The following SH3BGRL2 variants were observed in gnomAD, a reference collection of about 807,000 sequenced individuals.
SH3BGRL2 encodes SH3 domain-binding glutamic acid-rich-like protein 2.
A neutral mutation model predicts 14.8 loss-of-function variants in SH3BGRL2; 21 were observed. The ratio of observed to expected loss-of-function variants is 1.42; its 90% CI spans 1.01 to 2.05. The LOEUF (loss-of-function observed/expected upper bound fraction) is 2.05, where lower values mean the gene tolerates loss of function less well. SH3BGRL2 is among the 30% of genes most tolerant of loss of function. The probability of loss-of-function intolerance (pLI) is 0.00; values close to 1 mark genes in which losing one functional copy is unlikely to be tolerated. For synonymous variants in SH3BGRL2, 50 were observed against 47.8 expected, an observed-to-expected ratio of 1.05 and a Z score of -0.19; for missense variants, 147 against 130.8, an observed-to-expected ratio of 1.12 and a Z score of -0.61.
the SH3BGRL2 span, among the ~76,000 whole-genome samples, chr6:79,583,264 C>T: frequency 3.9e-5 from 6 of 152,186 alleles, no homozygotes; most frequent in African/African-American, 1.4e-4. Context: ...CCATTTGACC[C>T]AGCCATCCCA....
the SH3BGRL2 span, among the ~76,000 whole-genome samples, chr6:79,619,515 A>G: frequency 2.0e-5 from 3 of 152,120 alleles, no homozygotes; most frequent in African/African-American, 4.8e-5. Context: ...GCCTTTGTTT[A>G]TACCCTCCTG....
the SH3BGRL2 span, among the ~76,000 whole-genome samples, chr6:79,614,671 G>T: frequency 1.3e-5 from 2 of 152,178 alleles, no homozygotes; most frequent in South Asian, 4.1e-4. Context: ...CTATGTTGAA[G>T]CCCTCACCCC....
chr6:79,552,751 G>A, the SH3BGRL2 span: 1 of 152,162 alleles, frequency 6.6e-6, no homozygotes, highest in African/African-American at 2.4e-5. Context: ...TGTATGCACA[G>A]TAAAGTTTAA....
chr6:79,661,416 T>A (rs1468531760), intron 1 of SH3BGRL2, among the ~76,000 whole-genome samples: 2 of 152,238 alleles, frequency 1.3e-5, no homozygotes, highest in Non-Finnish European at 2.9e-5. Context: ...AGCAGGTTGT[T>A]CAGTTTCCAT....
At position 79,677,214 on chromosome 6, in the gene SH3BGRL2, A is replaced by G. The variant is rs566104231; in HGVS notation, c.231+3415A>G. On this transcript the variant is annotated intron_variant, in intron 2 of 3. Coordinates refer to ENST00000369838, the MANE Select transcript of SH3BGRL2 (RefSeq NM_031469.4). ...TCATCTGGTTGGTTAACCTGTAGAA[A>G]CCTACCACATTGCGAGTGACACGAT... Among the ~76,000 whole-genome samples the G allele has an allele frequency of 2.0e-5, 3 of 152,230 alleles. No homozygotes were observed. The East Asian group carries it at 5.8e-4, about 29-fold the overall frequency.
the SH3BGRL2 span, among the ~76,000 whole-genome samples, chr6:79,564,540 A>G: frequency 6.6e-6 from 1 of 152,206 alleles, no homozygotes; most frequent in Non-Finnish European, 1.5e-5. Context: ...ATCCTGAGCT[A>G]TCTGGCTTCC....
At chr6:79,613,732 G>C in the SH3BGRL2 span, among the ~76,000 whole-genome samples, 1 of 151,918 alleles carries the variant, frequency 6.6e-6, no homozygotes. Context: ...TCAGCCTCCT[G>C]AGTAGCTGGG....
chr6:79,634,163 A>C (rs1335164358), intron 1 of SH3BGRL2, among the ~76,000 whole-genome samples: 3 of 152,202 alleles, frequency 2.0e-5, no homozygotes, highest in Admixed American at 1.3e-4. Flanking sequence ...AGATTTAAAC[A>C]ATCTATTTAG....
intron 1 of SH3BGRL2, among the ~76,000 whole-genome samples, chr6:79,648,358 C>T: frequency 7.4e-6 from 1 of 134,572 alleles, no homozygotes; most frequent in African/African-American, 2.8e-5. Context: ...ATATATATGG[C>T]TTCTTTTTGC....
At chr6:79,656,951 G>C (rs947839979) in intron 1 of SH3BGRL2, among the ~76,000 whole-genome samples, 1 of 152,122 alleles carries the variant, frequency 6.6e-6, no homozygotes, top group East Asian at 1.9e-4. Flanking sequence ...GGAAATAAAG[G>C]TGTCACCAAA....
At chr6:79,595,529 A>G in the SH3BGRL2 span, among the ~76,000 whole-genome samples, 1 of 152,246 alleles carries the variant, frequency 6.6e-6, no homozygotes, top group African/African-American at 2.4e-5. Context: ...TAAAATGACC[A>G]AACAATATCT....
chr6:79,538,446 A>G, the SH3BGRL2 span, among the ~76,000 whole-genome samples: 1 of 152,134 alleles, frequency 6.6e-6, no homozygotes, highest in African/African-American at 2.4e-5. Context: ...AACCCACCCA[A>G]ACAATATTGT....
the SH3BGRL2 span, among the ~76,000 whole-genome samples, chr6:79,562,549 A>G: frequency 2.0e-5 from 3 of 152,176 alleles, no homozygotes; most frequent in African/African-American, 4.8e-5. Context: ...GTTTCCCACT[A>G]TTCCTTAAAA....
the SH3BGRL2 span, chr6:79,575,130 A>G: frequency 6.6e-6 from 1 of 152,264 alleles, no homozygotes. Flanking sequence ...ACAAAGAACT[A>G]CAGCCATCTC....
the SH3BGRL2 span, among the ~76,000 whole-genome samples, chr6:79,547,216 A>G: frequency 6.6e-6 from 1 of 151,900 alleles, no homozygotes; most frequent in African/African-American, 2.4e-5. Flanking sequence ...ATGACCTTAA[A>G]GGACATGGCA....
the SH3BGRL2 span, among the ~76,000 whole-genome samples, chr6:79,589,440 T>C: frequency 2.0e-5 from 3 of 152,168 alleles, no homozygotes; most frequent in Non-Finnish European, 4.4e-5. Flanking sequence ...TTCCCAAGTA[T>C]GTTTGATGAT....
chr6:79,688,206 A>C lies in SH3BGRL2; in HGVS notation c.232-8279A>C, dbSNP rs193016263. On this transcript the variant is annotated intron_variant, in intron 2 of 3. Coordinates refer to ENST00000369838, the MANE Select transcript of SH3BGRL2 (RefSeq NM_031469.4). ...ATAGGTGATGAGAGATTTAAAAAAA[A>C]AAAAACAAAAACAAAAAACCACAAC... is the stretch of plus-strand genomic sequence containing the variant. 9.3e-3 allele frequency among the ~76,000 whole-genome samples: 1,408 copies of C among 151,400 alleles called. 23 individuals carry two copies. Among genetic ancestry groups the C allele is most frequent in the African/African-American group, 0.033 (1,342 of 40,876 alleles).
the SH3BGRL2 span, among the ~76,000 whole-genome samples, chr6:79,625,288 C>T: frequency 6.6e-6 from 1 of 151,562 alleles, no homozygotes; most frequent in East Asian, 1.9e-4. Context: ...ATTCCTTAAT[C>T]ATGAATGTTG....
chr6:79,576,079 CCCTAA>C, the SH3BGRL2 span, among the ~76,000 whole-genome samples: 1 of 152,062 alleles, frequency 6.6e-6, no homozygotes, highest in African/African-American at 2.4e-5. Flanking sequence ...ATAGCCTATT[CCCTAA>C]ACAATGCAAG....
Sources: gnomAD v4.1 joint callset for allele counts (sites outside exome capture counted in the v4.1 genomes callset) on GRCh38, gnomAD v4.1.1 for gene constraint, MANE v1.5 for transcripts, NCBI Gene and HGNC (gene_info 2026-07-23, HGNC 2026-07-21) for gene names.